PCDHA2: variants seen among roughly 807,000 people sequenced by gnomAD.
PCDHA2 encodes the protein protocadherin alpha-2.
A neutral mutation model predicts 66.0 loss-of-function variants in PCDHA2; 58 were observed. The ratio of observed to expected loss-of-function variants is 0.88; its 90% CI spans 0.71 to 1.09. The LOEUF is 1.09. Ranked by LOEUF, PCDHA2 falls within the 50% of genes least tolerant of loss-of-function variation. PCDHA2 has a pLI of 0.00. For missense variants in PCDHA2, 1,267 were observed against 1,242.3 expected (o/e 1.02, Z -0.30); for synonymous variants, 634 against 554.0 (o/e 1.14, Z -2.03).
rs781989346 is a variant in PCDHA2 at position 140,869,537 on chromosome 5, C to CT, written c.2388+72186dup. 1.6e-5 allele frequency: 26 copies of CT among 1,614,202 alleles called. 1 individual carries two copies. The highest frequency in any genetic ancestry group is 1.9e-5 in the Non-Finnish European group (23 of 1,180,050). ...GAACAAAAGCTGCTGATTGCGGAAT[C>CT]TAAGCAATCGGACTCGCGTTTTCCA... On this transcript the variant is annotated intron_variant, in intron 1 of 3. Coordinates refer to ENST00000526136, the MANE Select transcript of PCDHA2 (RefSeq NM_018905.3).
chr5:140,971,843 G>T (rs1250084892), intron 1 of PCDHA2, among the ~76,000 whole-genome samples: 2 of 151,906 alleles, frequency 1.3e-5, no homozygotes, highest in Non-Finnish European at 2.9e-5. Flanking sequence ...TGCAAGTCAT[G>T]CGTTAAATAT....
chr5:140,796,048 A>G lies in PCDHA2; in HGVS notation c.1084A>G (p.Asn362Asp), dbSNP rs782659941. The G allele has an allele frequency of 5.0e-6, 8 of 1,614,054 alleles. No individual in the cohort carries two copies. Among genetic ancestry groups the G allele is most frequent in the Non-Finnish European group, 5.1e-6 (6 of 1,180,036 alleles). Reference sequence around the variant, plus strand: ...GTCTCTCTCACTTCCCATCTCAGAGAACGCTTCCCTGGGCACTGTCATTGC... The same window carrying G: ...GTCTCTCTCACTTCCCATCTCAGAGGACGCTTCCCTGGGCACTGTCATTGC... ...ITSLSLPISE[N>D]ASLGTVIALI... The change falls in exon 1 of 4, where the codon AAC becomes GAC. Residue 362 changes from asparagine (N) to aspartate (D), a missense_variant. By Grantham distance (23) the Asn-to-Asp change is conservative. Coordinates refer to ENST00000526136, the MANE Select transcript of PCDHA2 (RefSeq NM_018905.3).
At chr5:140,931,935 G>A (rs1456832226) in intron 1 of PCDHA2, among the ~76,000 whole-genome samples, 2 of 151,826 alleles carry the variant, frequency 1.3e-5, no homozygotes, top group East Asian at 1.9e-4. Context: ...ATTATAATGT[G>A]TGTCTGAGTC....
At chr5:140,936,925 T>C (rs1554211273) in intron 1 of PCDHA2, among the ~76,000 whole-genome samples, 2 of 152,208 alleles carry the variant, frequency 1.3e-5, no homozygotes, top group African/African-American at 2.4e-5. Context: ...AAATATGGGG[T>C]ATATTGAAAA....
chr5:140,934,152 T>C (rs2089672287), intron 1 of PCDHA2, among the ~76,000 whole-genome samples: 1 of 152,190 alleles, frequency 6.6e-6, no homozygotes. Context: ...TATATGTTTA[T>C]ATTTCAGTGT....
intron 1 of PCDHA2, among the ~76,000 whole-genome samples, chr5:140,945,682 G>GT (rs1325077083): frequency 6.6e-6 from 1 of 152,010 alleles, no homozygotes; most frequent in African/African-American, 2.4e-5. Context: ...AATCCACACA[G>GT]TTACTGTCCA....
intron 1 of PCDHA2, chr5:140,810,526 G>C (rs1554125506): frequency 6.6e-6 from 1 of 152,110 alleles, no homozygotes; most frequent in Non-Finnish European, 1.5e-5. Flanking sequence ...ATTTTACTGG[G>C]TGACTTTTGT....
In PCDHA2 at chr5:140,978,698, A is replaced by C. The variant is rs150194035; in HGVS notation, c.2389-251A>C. 1.4e-3 allele frequency among the ~76,000 whole-genome samples: 215 copies of C among 152,372 alleles called. 5 individuals carry two copies. In the South Asian group the frequency reaches 0.033, roughly 23 times the overall value. ...ACATGTATTGGGCAAGGCAAAGCCA[A>C]AGGTGGCCTTTACAAGATTATTAAA... is the stretch of plus-strand genomic sequence containing the variant. On this transcript the variant is annotated intron_variant, in intron 1 of 3. Transcript: ENST00000526136.
At chr5:141,004,168 C>T (rs2098156227) in intron 3 of PCDHA2, among the ~76,000 whole-genome samples, 1 of 152,226 alleles carries the variant, frequency 6.6e-6, no homozygotes, top group Admixed American at 6.5e-5. Context: ...GCAAAGCCAG[C>T]CAAGTGTCTT....
chr5:140,925,641 T>TATAATAATA (rs10569930), intron 1 of PCDHA2, among the ~76,000 whole-genome samples: 4,530 of 143,294 alleles, frequency 0.032, 85 homozygotes, highest in Middle Eastern at 0.043. Flanking sequence ...GAACTTAAAG[T>TATAATAATA]ATAATAATAA....
rs1212055845 is a variant in PCDHA2 at position 140,857,419 on chromosome 5, C to T, written c.2388+60067C>T. On this transcript the variant is annotated intron_variant, in intron 1 of 3. Coordinates refer to ENST00000526136, the MANE Select transcript of PCDHA2 (RefSeq NM_018905.3). ...ACAACGCGCCTGCGTTCGCGCAGTC[C>T]GAGTACACGGTGTTCGTGAAGGAGA... The T allele has an allele frequency of 3.1e-6, 5 of 1,598,216 alleles. 1 individual carries two copies. The African/African-American group carries it at 6.7e-5, about 22-fold the overall frequency.
chr5:140,992,971 T>C (rs1186217726), intron 3 of PCDHA2, among the ~76,000 whole-genome samples: 17 of 152,166 alleles, frequency 1.1e-4, no homozygotes, highest in Admixed American at 1.1e-3. Flanking sequence ...CTGCTGACAA[T>C]GATTAGGCCA....
rs2042367518 is a variant in PCDHA2 at position 140,852,542 on chromosome 5, C to T, written c.2388+55190C>T. Reference sequence around the variant, plus strand: ...GCTCCCACCTCGGCCTCCCAAAGTGCTGGGATTAAAGCTGTGAGCCACTGT... The same window carrying T: ...GCTCCCACCTCGGCCTCCCAAAGTGTTGGGATTAAAGCTGTGAGCCACTGT... On this transcript the variant is annotated intron_variant, in intron 1 of 3. Transcript: ENST00000526136. 35 of 557,808 alleles carry T rather than the reference C, an allele frequency of 6.3e-5. 3 individuals are homozygous for T. The highest frequency in any genetic ancestry group is 8.0e-5 in the Non-Finnish European group (34 of 426,308). 34.6% of individuals were successfully genotyped at this position (557,808 alleles called of 1,614,324 possible).
chr5:140,928,297 G>A, intron 1 of PCDHA2: 1 of 1,614,112 alleles, frequency 6.2e-7, no homozygotes, highest in Non-Finnish European at 8.5e-7. Flanking sequence ...CCGAGTGTTT[G>A]CCCAGGACCC....
At chr5:140,875,884 C>A in intron 1 of PCDHA2, 1 of 1,614,168 alleles carries the variant, frequency 6.2e-7, no homozygotes, top group Non-Finnish European at 8.5e-7. Context: ...AGAAAGGGAA[C>A]AAAAGGTACC....
rs1455785562 is a variant in PCDHA2, at chr5:140,815,214, A to C, written c.2388+17862A>C. 4 of 152,044 alleles carry C rather than the reference A, an allele frequency of 2.6e-5. No individual in the cohort carries two copies. In the East Asian group the frequency reaches 7.7e-4, roughly 29 times the overall value. The allele number at this position is 152,044 out of a possible 1,614,324, so 9.4% of individuals were successfully genotyped here. A position where few individuals can be genotyped will look rare whatever the true frequency, so the allele number is the denominator to read the frequency against. On this transcript the variant is annotated intron_variant, in intron 1 of 3. Coordinates refer to ENST00000526136, the MANE Select transcript of PCDHA2 (RefSeq NM_018905.3). ...AGTAATTATTGATAGGGCATAACTT[A>C]CTGTTGCCTCTTTGTTAATTGTTGT...
intron 1 of PCDHA2, chr5:140,807,031 G>C: frequency 1.1e-6 from 1 of 901,876 alleles, no homozygotes; most frequent in South Asian, 1.7e-5. Context: ...GAAGGAGGAA[G>C]AAGGGAAAAT....
chr5:140,931,683 A>G (rs1482331530), intron 1 of PCDHA2, among the ~76,000 whole-genome samples: 2 of 151,950 alleles, frequency 1.3e-5, no homozygotes, highest in African/African-American at 4.8e-5. Flanking sequence ...AAATAAATGA[A>G]TTGTGATTCA....
chr5:140,808,364 G>T (rs76650315), intron 1 of PCDHA2: 1 of 1,614,170 alleles, frequency 6.2e-7, no homozygotes, highest in South Asian at 1.1e-5. Flanking sequence ...GACGTCCCAC[G>T]TCCCCTTCAA....
Sources: gnomAD v4.1 joint callset for allele counts (sites outside exome capture counted in the v4.1 genomes callset) on GRCh38, gnomAD v4.1.1 for gene constraint, MANE v1.5 for transcripts, NCBI Gene and HGNC (gene_info 2026-07-23, HGNC 2026-07-21) for gene names.